The following TMEM8B variants were observed in gnomAD, a reference collection of about 807,000 sequenced individuals.
The protein encoded by TMEM8B is transmembrane protein 8B.
A neutral mutation model predicts 49.3 loss-of-function variants in TMEM8B; 29 were observed. That is an observed-to-expected ratio of 0.59 (90% CI 0.44 to 0.80). The LOEUF (loss-of-function observed/expected upper bound fraction) is 0.80, where lower values mean the gene tolerates loss of function less well. TMEM8B is among the 30% of genes least tolerant of loss of function. The probability of loss-of-function intolerance (pLI) is 0.00; values close to 1 mark genes in which losing one functional copy is unlikely to be tolerated. For synonymous variants in TMEM8B, 264 were observed against 272.8 expected (o/e 0.97, Z 0.32); for missense variants, 575 against 658.5 (o/e 0.87, Z 1.39).
chr9:35,841,960 G>A lies in TMEM8B; in HGVS notation c.1309+166G>A, dbSNP rs1379060086. On this transcript the variant is annotated intron_variant, in intron 5 of 12. Transcript: ENST00000643932. This position sits in a 1 kb window ranked among gnomAD's most constrained non-coding sequence, Gnocchi z 5.9. ...ATCACACTTGGAGCTCCAAGTTATT[G>A]GAAGGCCTTTAGATAATTTTTTTTT... 1.3e-5 allele frequency among the ~76,000 whole-genome samples: 2 copies of A among 152,098 alleles called. No individual in the cohort carries two copies. Among genetic ancestry groups the A allele is most frequent in the Non-Finnish European group, 2.9e-5 (2 of 68,002 alleles).
At chr9:35,852,737 C>A in intron 10 of TMEM8B, 90 bp from the exon 11 acceptor site, 1 of 1,484,974 alleles carries the variant, frequency 6.7e-7, no homozygotes. Flanking sequence ...GCACTGACAG[C>A]AGCACACCAC....
chr9:35,842,286 T>A lies in TMEM8B; in HGVS notation c.1310-106T>A, dbSNP rs1321077145. The A allele has an allele frequency of 8.2e-6, 7 of 851,548 alleles. 1 individual carries two copies. The Admixed American group carries it at 2.3e-4, about 28-fold the overall frequency. The allele number at this position is 851,548 out of a possible 1,614,324, so 52.7% of individuals were successfully genotyped here. A position where few individuals can be genotyped will look rare whatever the true frequency, so the allele number is the denominator to read the frequency against. On this transcript the variant is annotated intron_variant, in intron 5 of 12. Coordinates refer to ENST00000643932, the MANE Select transcript of TMEM8B (RefSeq NM_001042590.4). The surrounding 1 kb of genome is among the most constrained non-coding windows in gnomAD (Gnocchi z 5.6). ...AAGGGACATCGCATTCTAGTTCTCATCCTTCCCCACTCTTTGCGAAATCCT... is the reference window on the plus strand; with the variant it reads ...AAGGGACATCGCATTCTAGTTCTCAACCTTCCCCACTCTTTGCGAAATCCT...
At position 35,842,556 on chromosome 9, in the gene TMEM8B, C is replaced by T. The variant is rs1192854421; in HGVS notation, c.1474C>T (p.Pro492Ser). The T allele has an allele frequency of 6.2e-7, 1 of 1,614,230 alleles. No homozygotes were observed. Among genetic ancestry groups the T allele is most frequent in the Admixed American group, 1.7e-5 (1 of 60,036 alleles). The change falls in exon 6 of 13, where the codon CCG (proline) becomes TCG (serine). Residue 492 changes from proline (P) to serine (S), a missense_variant. Coordinates refer to ENST00000643932, the MANE Select transcript of TMEM8B (RefSeq NM_001042590.4). The surrounding 1 kb of genome is among the most constrained non-coding windows in gnomAD (Gnocchi z 5.6). ...ACCCGAGCACTGCTGGCCAGTGCGC[C>T]CGACTCTGCGCAACGAGCTGGACAC... ...SPPEHCWPVR[P>S]TLRNELDTFS...
At position 35,863,956 on chromosome 9, in the gene TMEM8B, G is replaced by A. The variant is rs915808751; in HGVS notation, c.*10116G>A. 2.0e-5 allele frequency: 3 copies of A among 152,248 alleles called. No homozygotes were observed. Among genetic ancestry groups the A allele is most frequent in the Non-Finnish European group, 2.9e-5 (2 of 68,076 alleles). The allele number at this position is 152,248 out of a possible 1,614,324, so 9.4% of individuals were successfully genotyped here. ...GCAGTGTCACGCTCGGTCATGGCCT[G>A]GAAGATCAGAGTCACAGAGGGATAG... On this transcript the variant is annotated 3_prime_UTR_variant, in exon 13 of 13. Transcript: ENST00000643932.
intron 3 of TMEM8B, among the ~76,000 whole-genome samples, chr9:35,838,021 G>A (rs1188489835): frequency 2.0e-5 from 3 of 152,144 alleles, no homozygotes; most frequent in Non-Finnish European, 4.4e-5. Flanking sequence ...GCAACTACGA[G>A]GAAAGTGAAG....
chr9:35,852,089 C>T (rs1408959343), intron 10 of TMEM8B, among the ~76,000 whole-genome samples: 1 of 152,194 alleles, frequency 6.6e-6, no homozygotes. Context: ...GAGCTAATGG[C>T]AGACTTTGCT....
At position 35,834,152 on chromosome 9, in the gene TMEM8B, GT is replaced by G. The variant is rs201695999; in HGVS notation, c.509-308del. On this transcript the variant is annotated intron_variant, in intron 1 of 12. Coordinates refer to ENST00000643932, the MANE Select transcript of TMEM8B (RefSeq NM_001042590.4). ...GAGGAGGCAGCTGTGAAGTCAAAGG[GT>G]CTTAGTTTTGGATTTAGAGAGAGCT... is the stretch of plus-strand genomic sequence containing the variant. 9.9e-3 allele frequency among the ~76,000 whole-genome samples: 1,505 copies of G among 152,134 alleles called. 26 individuals carry two copies. The highest frequency in any genetic ancestry group is 0.035 in the African/African-American group (1,442 of 41,482).
At position 35,853,027 on chromosome 9, in the gene TMEM8B, C is replaced by A; in HGVS notation, c.2322+54C>A. 1 of 1,612,032 alleles carries A rather than the reference C, an allele frequency of 6.2e-7. No homozygotes were observed. Among genetic ancestry groups the A allele is most frequent in the Non-Finnish European group, 8.5e-7 (1 of 1,178,524 alleles). The stretch of plus-strand genomic sequence containing the variant: ...ACCATGGCCAAGTCTCCTTGAAATC[C>A]ACTCCTGACCTCTCCCTGGGGGCAT... On this transcript the variant is annotated intron_variant, in intron 11 of 12. Transcript: ENST00000643932. This position sits in a 1 kb window ranked among gnomAD's most constrained non-coding sequence, Gnocchi z 4.2.
chr9:35,851,411 C>T (rs1480645967), intron 10 of TMEM8B, among the ~76,000 whole-genome samples: 1 of 152,192 alleles, frequency 6.6e-6, no homozygotes, highest in Non-Finnish European at 1.5e-5. Flanking sequence ...TCCCAAAGTG[C>T]TGGGATTAAC....
At chr9:35,846,438 G>A in intron 8 of TMEM8B, 31 bp from the exon 9 acceptor site, 22 of 1,597,538 alleles carry the variant, frequency 1.4e-5, no homozygotes, top group Non-Finnish European at 1.6e-5. Flanking sequence ...GGGTGGCCCG[G>A]GGCCCCAGGT....
rs762344754 is a variant in TMEM8B, at chr9:35,846,279, T to C, written c.1751T>C (p.Leu584Pro). ...TCAGAGTCCCTGGCCGGCTTCCTCC[T>C]CTCTGTCAGTGCCACCACCAGGGTT... is the stretch of plus-strand genomic sequence containing the variant. The part of the protein sequence containing the change: ...CSKESLAGFL[L>P]SVSATTRVAR... Residue 584 changes from leucine (L) to proline (P), a missense_variant, in exon 8 of 13, where the codon CTC (leucine) becomes CCC (proline). Transcript: ENST00000643932. 7.4e-6 allele frequency: 12 copies of C among 1,614,074 alleles called. No homozygotes were observed. The highest frequency in any genetic ancestry group is 9.3e-6 in the Non-Finnish European group (11 of 1,180,034).
chr9:35,847,425 A>T (rs1471223249), intron 10 of TMEM8B, among the ~76,000 whole-genome samples: 1 of 152,210 alleles, frequency 6.6e-6, no homozygotes, highest in Admixed American at 6.5e-5. Flanking sequence ...CTTCCATGAT[A>T]TGAGAGCTAG....
intron 6 of TMEM8B, chr9:35,845,693 C>A: frequency 3.0e-6 from 3 of 985,456 alleles, no homozygotes; most frequent in Non-Finnish European, 3.6e-6. Flanking sequence ...AGGGTGTTCT[C>A]TCTTGCTTGG....
At position 35,846,926 on chromosome 9, in the gene TMEM8B, G is replaced by C. The variant is rs749036375; in HGVS notation, c.2106G>C (p.Val702=). Reference sequence around the variant, plus strand: ...GCAACCTCATGTTTCTGCCACCTGTGGTCCTGGCCATTCGGAGTCGATATG... The same window carrying C: ...GCAACCTCATGTTTCTGCCACCTGTCGTCCTGGCCATTCGGAGTCGATATG... ...CLSNLMFLPP[V]VLAIRSRYVL... The change falls in exon 10 of 13, where the codon GTG becomes GTC. Residue 702 remains valine, a synonymous_variant. Coordinates refer to ENST00000643932, the MANE Select transcript of TMEM8B (RefSeq NM_001042590.4). The C allele has an allele frequency of 6.2e-7, 1 of 1,614,226 alleles. No individual in the cohort carries two copies. Among genetic ancestry groups the C allele is most frequent in the South Asian group, 1.1e-5 (1 of 91,076 alleles).
At chr9:35,834,031 T>TACACACACACACACACAC (rs377460934) in intron 1 of TMEM8B, among the ~76,000 whole-genome samples, 12 of 138,406 alleles carry the variant, frequency 8.7e-5, no homozygotes, top group East Asian at 6.6e-4. Flanking sequence ...CATGCCAAAA[T>TACACACACACACACACAC]ACACACACAC....
chr9:35,829,998 C>T (rs1829688094), intron 1 of TMEM8B, 43 bp downstream of exon 1: 1 of 414,976 alleles, frequency 2.4e-6, no homozygotes, highest in Non-Finnish European at 4.4e-6. Flanking sequence ...AATGGGGTTC[C>T]GGCAGGGAGG....
chr9:35,852,681 T>A, intron 10 of TMEM8B, 146 bp from the exon 11 acceptor site: 1 of 900,374 alleles, frequency 1.1e-6, no homozygotes, highest in South Asian at 1.6e-5. Context: ...ATTTGGGGAG[T>A]CAGGCATTTC....
rs149341752 is a variant in TMEM8B, at chr9:35,832,869, C to T, written c.509-1592C>T. 8.9e-4 allele frequency among the ~76,000 whole-genome samples: 135 copies of T among 152,306 alleles called. 1 individual carries two copies. Among genetic ancestry groups the T allele is most frequent in the African/African-American group, 3.1e-3 (130 of 41,570 alleles). On this transcript the variant is annotated intron_variant, in intron 1 of 12. Coordinates refer to ENST00000643932, the MANE Select transcript of TMEM8B (RefSeq NM_001042590.4). ...TAGGAAACCCGTCTCTTCCATCAGT[C>T]GGTCCCATTTCCCTTTATCCCTCTC...
intron 1 of TMEM8B, among the ~76,000 whole-genome samples, chr9:35,832,166 GGGGTGT>G (rs1829969131): frequency 8.5e-6 from 1 of 117,444 alleles, no homozygotes; most frequent in African/African-American, 3.2e-5. Context: ...TGTAGGTGTA[GGGGTGT>G]GTGTGTGTGT....
Sources: gnomAD v4.1 joint callset for allele counts (sites outside exome capture counted in the v4.1 genomes callset) on GRCh38, gnomAD v4.1.1 for gene constraint, Gnocchi (gnomAD v3.1) non-coding constraint, MANE v1.5 for transcripts, NCBI Gene and HGNC (gene_info 2026-07-23, HGNC 2026-07-21) for gene names.